The following SYNPR variants were observed in gnomAD, a reference collection of about 807,000 sequenced individuals.
The protein encoded by SYNPR is synaptoporin.
In SYNPR, 23 loss-of-function variants were observed where a neutral mutation model predicts 32.9. The ratio of observed to expected loss-of-function variants is 0.70; its 90% CI spans 0.50 to 0.99. The LOEUF (loss-of-function observed/expected upper bound fraction) is 0.99. Ranked by LOEUF, SYNPR falls within the 50% of genes least tolerant of loss-of-function variation. The pLI is 0.00. For missense variants in SYNPR, 318 were observed against 349.3 expected, an observed-to-expected ratio of 0.91 and a Z score of 0.71; for synonymous variants, 146 against 135.9, an observed-to-expected ratio of 1.07 and a Z score of -0.52.
intron 4 of SYNPR, among the ~76,000 whole-genome samples, chr3:63,562,495 C>T (rs933029442): frequency 6.6e-6 from 1 of 152,162 alleles, no homozygotes; most frequent in African/African-American, 2.4e-5. Context: ...ATAAAGGAGA[C>T]CAGGTTGACC....
At chr3:63,470,327 G>A (rs772290179) in intron 2 of SYNPR, among the ~76,000 whole-genome samples, 1 of 151,950 alleles carries the variant, frequency 6.6e-6, no homozygotes, top group African/African-American at 2.4e-5. Flanking sequence ...ATATTGATTG[G>A]ATACCTCATA....
At chr3:63,241,824 T>C (rs891436628) in intron 1 of SYNPR, among the ~76,000 whole-genome samples, 17 of 152,206 alleles carry the variant, frequency 1.1e-4, no homozygotes, top group Middle Eastern at 3.4e-3. Context: ...TTTTTTGTTA[T>C]ATCCAGCCAA....
intron 2 of SYNPR, among the ~76,000 whole-genome samples, chr3:63,396,217 T>C (rs1397838722): frequency 6.6e-6 from 1 of 152,214 alleles, no homozygotes; most frequent in Non-Finnish European, 1.5e-5. Context: ...AAGGACTCTC[T>C]AATTGCCCTT....
intron 1 of SYNPR, among the ~76,000 whole-genome samples, chr3:63,240,573 G>A (rs1307324745): frequency 2.6e-5 from 4 of 152,054 alleles, no homozygotes; most frequent in African/African-American, 7.2e-5. Context: ...GGGAGTAAGC[G>A]AGAGGATTGA....
At chr3:63,570,914 C>G (rs540419457) in intron 4 of SYNPR, among the ~76,000 whole-genome samples, 2 of 152,174 alleles carry the variant, frequency 1.3e-5, no homozygotes, top group African/African-American at 4.8e-5. Context: ...CTACTCAACA[C>G]ACATTTGTTG....
intron 4 of SYNPR, among the ~76,000 whole-genome samples, chr3:63,592,477 G>A (rs1699854206): frequency 6.6e-6 from 1 of 152,112 alleles, no homozygotes; most frequent in African/African-American, 2.4e-5. Flanking sequence ...AGAAAATAAA[G>A]GCAGGTGAAT....
chr3:63,464,862 G>C (rs1321021647), intron 2 of SYNPR, among the ~76,000 whole-genome samples: 3 of 152,122 alleles, frequency 2.0e-5, no homozygotes, highest in Non-Finnish European at 4.4e-5. Flanking sequence ...TAATTTGGGA[G>C]CCCAAAGCTA....
At chr3:63,268,465 C>G (rs2086509421) in intron 3 of SYNPR, among the ~76,000 whole-genome samples, 1 of 152,130 alleles carries the variant, frequency 6.6e-6, no homozygotes, top group South Asian at 2.1e-4. Flanking sequence ...GACCGGAAGC[C>G]TTACCGGCAG....
intron 2 of SYNPR, among the ~76,000 whole-genome samples, chr3:63,328,517 C>T (rs1036894292): frequency 5.9e-5 from 9 of 152,200 alleles, no homozygotes; most frequent in African/African-American, 2.2e-4. Context: ...CTGGCTTTGA[C>T]TCACAATCAT....
chr3:63,307,091 GCACTTTATT>G (rs2086916766), intron 2 of SYNPR, among the ~76,000 whole-genome samples: 1 of 151,982 alleles, frequency 6.6e-6, no homozygotes, highest in Non-Finnish European at 1.5e-5. Context: ...AAGTAATCTG[GCACTTTATT>G]CAGTGTTGGA....
At chr3:63,545,716 T>C (rs1432157368) in intron 3 of SYNPR, among the ~76,000 whole-genome samples, 1 of 152,122 alleles carries the variant, frequency 6.6e-6, no homozygotes, top group East Asian at 1.9e-4. Flanking sequence ...TTTTAAGTTG[T>C]TAATATTGGA....
At chr3:63,438,370 T>A (rs1700119490) in intron 2 of SYNPR, among the ~76,000 whole-genome samples, 2 of 152,178 alleles carry the variant, frequency 1.3e-5, no homozygotes, top group Admixed American at 1.3e-4. Context: ...TTATGTTTTA[T>A]TGTCATATAG....
chr3:63,437,125 C>T (rs1237140164), intron 2 of SYNPR, among the ~76,000 whole-genome samples: 1 of 150,686 alleles, frequency 6.6e-6, no homozygotes, highest in East Asian at 2.0e-4. Context: ...TATCTGCCCA[C>T]CTCGGCCTCC....
chr3:63,457,418 T>C (rs1023057192), intron 2 of SYNPR, among the ~76,000 whole-genome samples: 1 of 152,104 alleles, frequency 6.6e-6, no homozygotes, highest in Admixed American at 6.6e-5. Context: ...CCCTAGAACT[T>C]TCTAGGATAT....
At chr3:63,262,152 T>G (rs1174854967) in intron 2 of SYNPR, among the ~76,000 whole-genome samples, 1 of 152,138 alleles carries the variant, frequency 6.6e-6, no homozygotes, top group Non-Finnish European at 1.5e-5. Flanking sequence ...ACCTAAGTTT[T>G]CTAGAATGCA....
At chr3:63,458,763 T>G (rs773658414) in intron 2 of SYNPR, among the ~76,000 whole-genome samples, 13 of 152,126 alleles carry the variant, frequency 8.5e-5, no homozygotes, top group Non-Finnish European at 5.9e-5. Context: ...CTTCTTACCT[T>G]ACTGCCAGAG....
At chr3:63,500,011 A>C (rs1701448997) in intron 3 of SYNPR, among the ~76,000 whole-genome samples, 1 of 152,148 alleles carries the variant, frequency 6.6e-6, no homozygotes, top group Admixed American at 6.6e-5. Context: ...AAAATTAAAC[A>C]AAAAATATGC....
At position 63,556,427 on chromosome 3, in the gene SYNPR, G is replaced by A. The variant is rs945846583; in HGVS notation, c.210-116G>A. On this transcript the variant is annotated intron_variant, in intron 3 of 5. Coordinates refer to ENST00000478300, the MANE Select transcript of SYNPR (RefSeq NM_001130003.2). ...ATTTCTTAATGAATATGTTACATAG[G>A]CATGCACTAAAACTCCCAGATCACA... 1.7e-5 allele frequency: 13 copies of A among 772,080 alleles called. No homozygotes were observed. In the African/African-American group the frequency reaches 2.1e-4, roughly 13 times the overall value. The allele number at this position is 772,080 out of a possible 1,614,324, so 47.8% of individuals were successfully genotyped here. A position where few individuals can be genotyped will look rare whatever the true frequency, so the allele number is the denominator to read the frequency against.
chr3:63,361,699 C>T (rs1217838490), intron 2 of SYNPR, among the ~76,000 whole-genome samples: 1 of 151,584 alleles, frequency 6.6e-6, no homozygotes, highest in African/African-American at 2.4e-5. Context: ...TGATATGGGC[C>T]GCATAGTACA....
Sources: gnomAD v4.1 joint callset for allele counts (sites outside exome capture counted in the v4.1 genomes callset) on GRCh38, gnomAD v4.1.1 for gene constraint, MANE v1.5 for transcripts, NCBI Gene and HGNC (gene_info 2026-07-23, HGNC 2026-07-21) for gene names.